The following RBFOX1 variants were observed in gnomAD, a reference collection of about 807,000 sequenced individuals.
The protein encoded by RBFOX1 is RNA binding fox-1 homolog 1, also known as RNA binding protein fox-1 homolog 1.
A neutral mutation model predicts 57.7 loss-of-function variants in RBFOX1; 8 were observed. That is an observed-to-expected ratio of 0.14 (90% confidence interval 0.08 to 0.25). The LOEUF (loss-of-function observed/expected upper bound fraction) is 0.25. Ranked by LOEUF, RBFOX1 falls within the 10% of genes least tolerant of loss-of-function variation. The pLI is 1.00. For synonymous variants in RBFOX1, 326 were observed against 222.4 expected (o/e 1.47, Z -4.15); for missense variants, 611 against 548.5 (o/e 1.11, Z -1.14).
intron 1 of RBFOX1, among the ~76,000 whole-genome samples, chr16:5,284,335 G>C (rs755368325): frequency 6.6e-6 from 1 of 152,072 alleles, no homozygotes; most frequent in Non-Finnish European, 1.5e-5. Flanking sequence ...TTGCAGTTTG[G>C]TGGTTTTCTT....
chr16:5,514,324 G>A (rs942930418), intron 2 of RBFOX1, among the ~76,000 whole-genome samples: 11 of 152,166 alleles, frequency 7.2e-5, no homozygotes, highest in South Asian at 4.1e-4. Flanking sequence ...AGACAGGCTC[G>A]TCTGGGCATG....
intron 1 of RBFOX1, among the ~76,000 whole-genome samples, chr16:6,303,156 C>G (rs2079022218): frequency 6.6e-6 from 1 of 152,106 alleles, no homozygotes; most frequent in African/African-American, 2.4e-5. Context: ...AGTTGTGAGA[C>G]CTTTCTCAGG....
At chr16:5,605,513 C>G (rs1419054369) in intron 3 of RBFOX1, among the ~76,000 whole-genome samples, 2 of 151,836 alleles carry the variant, frequency 1.3e-5, no homozygotes, top group Admixed American at 6.6e-5. Context: ...TGATTAATGT[C>G]TGCCTTTGGT....
At chr16:6,705,289 C>G (rs957645526) in intron 3 of RBFOX1, 2 of 151,480 alleles carry the variant, frequency 1.3e-5, no homozygotes, top group African/African-American at 4.9e-5. Flanking sequence ...AGGTTTCTCA[C>G]TGTTTGAGTG....
At chr16:7,170,255 G>A (rs1213980215) in intron 4 of RBFOX1, among the ~76,000 whole-genome samples, 1 of 152,022 alleles carries the variant, frequency 6.6e-6, no homozygotes, top group African/African-American at 2.4e-5. Context: ...TTATCCTCCT[G>A]CTCCTCACCA....
intron 1 of RBFOX1, among the ~76,000 whole-genome samples, chr16:6,268,655 T>C (rs1237070408): frequency 6.6e-6 from 1 of 152,134 alleles, no homozygotes; most frequent in Non-Finnish European, 1.5e-5. Flanking sequence ...TATGCCAGGG[T>C]TTATGGCCTT....
chr16:5,682,323 T>A (rs570272923), intron 3 of RBFOX1, among the ~76,000 whole-genome samples: 4 of 152,312 alleles, frequency 2.6e-5, no homozygotes, highest in Non-Finnish European at 4.4e-5. Flanking sequence ...AGAACTTTTT[T>A]AAAAATTGCA....
intron 2 of RBFOX1, among the ~76,000 whole-genome samples, chr16:6,524,693 G>T (rs945113684): frequency 6.6e-6 from 1 of 152,062 alleles, no homozygotes; most frequent in African/African-American, 2.4e-5. Context: ...ATGTCTGCTG[G>T]GCCATGCTCC....
At chr16:6,900,743 C>CT (rs1361436533) in intron 3 of RBFOX1, among the ~76,000 whole-genome samples, 2 of 152,190 alleles carry the variant, frequency 1.3e-5, no homozygotes, top group Non-Finnish European at 2.9e-5. Context: ...TTCGTCTAAA[C>CT]TGGGATCTTC....
intron 1 of RBFOX1, among the ~76,000 whole-genome samples, chr16:5,430,464 G>C (rs977974045): frequency 2.6e-5 from 4 of 152,198 alleles, no homozygotes; most frequent in Admixed American, 2.6e-4. Context: ...GCTGGGGCTG[G>C]AGCTGGAGGA....
chr16:7,270,914 A>G (rs8047805), intron 4 of RBFOX1, among the ~76,000 whole-genome samples: 55,316 of 151,952 alleles, frequency 0.36, 11,188 homozygotes, highest in African/African-American at 0.53. Flanking sequence ...TCCCCTTTCC[A>G]TCATGGTTAG....
intron 4 of RBFOX1, among the ~76,000 whole-genome samples, chr16:7,197,234 G>T (rs1200699670): frequency 6.6e-6 from 1 of 152,060 alleles, no homozygotes; most frequent in Non-Finnish European, 1.5e-5. Context: ...TGTCTTTAGG[G>T]ATGAAGAAAA....
chr16:6,019,910 G>A lies in RBFOX1; in HGVS notation c.-209G>A. On this transcript the variant is annotated 5_prime_UTR_variant, in exon 1 of 16. Coordinates refer to ENST00000550418, the MANE Select transcript of RBFOX1 (RefSeq NM_018723.4). This position sits in a 1 kb window ranked among gnomAD's most constrained non-coding sequence, Gnocchi z 4.2. ...GCCGCCTCCAGCTTATGGTGAGTGTGGCTGGGGGTGCAGAGAGCGCACGGG... is the reference window on the plus strand; with the variant it reads ...GCCGCCTCCAGCTTATGGTGAGTGTAGCTGGGGGTGCAGAGAGCGCACGGG... 1 of 1,535,064 alleles carries A rather than the reference G, an allele frequency of 6.5e-7. No individual in the cohort carries two copies. Among genetic ancestry groups the A allele is most frequent in the East Asian group, 2.4e-5 (1 of 40,830 alleles).
intron 3 of RBFOX1, among the ~76,000 whole-genome samples, chr16:5,630,743 C>G (rs1023380722): frequency 6.6e-6 from 1 of 152,148 alleles, no homozygotes; most frequent in Non-Finnish European, 1.5e-5. Context: ...CAGGCAGTAT[C>G]TGGAGGGCCA....
At chr16:6,739,790 T>C (rs574070048) in intron 3 of RBFOX1, among the ~76,000 whole-genome samples, 190 of 152,080 alleles carry the variant, frequency 1.2e-3, no homozygotes, top group African/African-American at 4.4e-3. Context: ...GGCAGGAGAA[T>C]TGCTTGAACC....
chr16:6,794,277 G>A (rs1043170773), intron 3 of RBFOX1, among the ~76,000 whole-genome samples: 19 of 102,774 alleles, frequency 1.8e-4, no homozygotes, highest in Non-Finnish European at 2.4e-4. Flanking sequence ...TTTCTTGTTC[G>A]TGATTTTTTT....
intron 3 of RBFOX1, among the ~76,000 whole-genome samples, chr16:6,991,565 C>T (rs1286284376): frequency 6.6e-6 from 1 of 152,106 alleles, no homozygotes; most frequent in Non-Finnish European, 1.5e-5. Flanking sequence ...GAGATGGGGT[C>T]CCACTCTGTC....
At chr16:6,258,498 A>G (rs768988291) in intron 1 of RBFOX1, among the ~76,000 whole-genome samples, 1 of 152,180 alleles carries the variant, frequency 6.6e-6, no homozygotes, top group Non-Finnish European at 1.5e-5. Flanking sequence ...ATAATCTTCC[A>G]TCACAATTCT....
intron 1 of RBFOX1, among the ~76,000 whole-genome samples, chr16:5,327,031 TAGAA>T (rs1461440955): frequency 6.6e-6 from 1 of 152,188 alleles, no homozygotes; most frequent in Non-Finnish European, 1.5e-5. Context: ...TAGATTTTGT[TAGAA>T]AGCCAGAAAA....
Sources: gnomAD v4.1 joint callset for allele counts (sites outside exome capture counted in the v4.1 genomes callset) on GRCh38, gnomAD v4.1.1 for gene constraint, Gnocchi (gnomAD v3.1) non-coding constraint, MANE v1.5 for transcripts, NCBI Gene and HGNC (gene_info 2026-07-23, HGNC 2026-07-21) for gene names.